KCND2: variants seen among roughly 807,000 people sequenced by gnomAD.
KCND2 encodes the protein A-type voltage-gated potassium channel KCND2.
Under a neutral mutation model 54.4 loss-of-function variants are expected in KCND2, and 16 were observed. The ratio of observed to expected loss-of-function variants is 0.29; its 90% CI spans 0.20 to 0.45. The LOEUF is 0.45. Among genes scored for constraint, KCND2 ranks in the 20% least tolerant of loss-of-function variants. The probability of loss-of-function intolerance (pLI) is 1.00; values close to 1 mark genes in which losing one functional copy is unlikely to be tolerated. For missense variants in KCND2, 486 were observed against 824.2 expected (o/e 0.59, Z 5.02); for synonymous variants, 317 against 310.7 (o/e 1.02, Z -0.21).
chr7:120,734,842 A>T (rs1212544063), intron 2 of KCND2, among the ~76,000 whole-genome samples: 1 of 152,152 alleles, frequency 6.6e-6, no homozygotes. Flanking sequence ...AGAGACTTTG[A>T]TATAGTTATT....
intron 1 of KCND2, among the ~76,000 whole-genome samples, chr7:120,480,000 T>G (rs949955224): frequency 6.7e-6 from 1 of 150,220 alleles, no homozygotes; most frequent in Non-Finnish European, 1.5e-5. Context: ...AGTATGAGCT[T>G]ATAGATTTAC....
chr7:120,358,339 A>C (rs1471001750), intron 1 of KCND2, among the ~76,000 whole-genome samples: 1 of 152,006 alleles, frequency 6.6e-6, no homozygotes, highest in East Asian at 1.9e-4. Context: ...AGTCTAACAG[A>C]GATTTAGGGG....
chr7:120,679,876 G>T (rs1031144245), intron 1 of KCND2, among the ~76,000 whole-genome samples: 13 of 151,970 alleles, frequency 8.6e-5, no homozygotes, highest in Non-Finnish European at 2.9e-5. Context: ...ATTTAAACAC[G>T]CATTGCTCTG....
At chr7:120,647,864 A>G (rs1793461595) in intron 1 of KCND2, among the ~76,000 whole-genome samples, 1 of 152,190 alleles carries the variant, frequency 6.6e-6, no homozygotes, top group Non-Finnish European at 1.5e-5. Context: ...GAATACACAG[A>G]TTTTATTCCC....
chr7:120,690,667 TAAC>T (rs1562910701), intron 1 of KCND2, among the ~76,000 whole-genome samples: 1 of 152,180 alleles, frequency 6.6e-6, no homozygotes, highest in African/African-American at 2.4e-5. Flanking sequence ...GAGTCACAAA[TAAC>T]AAGCTATATT....
intron 1 of KCND2, among the ~76,000 whole-genome samples, chr7:120,293,903 C>A: frequency 6.6e-6 from 1 of 151,820 alleles, no homozygotes; most frequent in South Asian, 2.1e-4. Flanking sequence ...AACTGTGAGT[C>A]TAGATGTAGA....
At chr7:120,663,792 G>C in intron 1 of KCND2, among the ~76,000 whole-genome samples, 1 of 152,128 alleles carries the variant, frequency 6.6e-6, no homozygotes, top group East Asian at 1.9e-4. Context: ...GTGAAAACAT[G>C]CACCACGATA....
At chr7:120,494,728 G>C (rs1286806061) in intron 1 of KCND2, among the ~76,000 whole-genome samples, 1 of 152,178 alleles carries the variant, frequency 6.6e-6, no homozygotes, top group Non-Finnish European at 1.5e-5. Context: ...ACAGAAATTT[G>C]TGTGCATGGC....
chr7:120,731,277 G>A lies in KCND2; in HGVS notation c.1116-1626G>A, dbSNP rs561593421. 1.4e-3 allele frequency among the ~76,000 whole-genome samples: 220 copies of A among 152,254 alleles called. 1 individual carries two copies. The highest frequency in any genetic ancestry group is 3.3e-3 in the South Asian group (16 of 4,816). On this transcript the variant is annotated intron_variant, in intron 1 of 5. Coordinates refer to ENST00000331113, the MANE Select transcript of KCND2 (RefSeq NM_012281.3). ...AGTGAAAAAATAAATCAATAAATAA[G>A]AAAATGTTACTTGTTAATAAGTACT...
intron 1 of KCND2, among the ~76,000 whole-genome samples, chr7:120,531,015 C>G (rs1276668396): frequency 2.0e-5 from 3 of 152,028 alleles, no homozygotes; most frequent in African/African-American, 7.2e-5. Context: ...AAATCCATTT[C>G]TCCTCTTACT....
At chr7:120,647,735 G>T (rs1453821420) in intron 1 of KCND2, among the ~76,000 whole-genome samples, 1 of 152,150 alleles carries the variant, frequency 6.6e-6, no homozygotes, top group Non-Finnish European at 1.5e-5. Context: ...TTTGCCGTAA[G>T]TTTTCATTAG....
intron 1 of KCND2, among the ~76,000 whole-genome samples, chr7:120,385,148 A>C (rs1800970184): frequency 6.6e-6 from 1 of 151,184 alleles, no homozygotes; most frequent in Non-Finnish European, 1.5e-5. Context: ...CTGGGACTAC[A>C]GGTGCATGCC....
intron 1 of KCND2, among the ~76,000 whole-genome samples, chr7:120,549,447 C>G (rs1323429647): frequency 6.6e-6 from 1 of 152,148 alleles, no homozygotes; most frequent in Non-Finnish European, 1.5e-5. Context: ...CATAATAACA[C>G]ATTCCTGCCC....
chr7:120,701,616 T>A (rs1240246890), intron 1 of KCND2, among the ~76,000 whole-genome samples: 1 of 151,992 alleles, frequency 6.6e-6, no homozygotes, highest in Non-Finnish European at 1.5e-5. Flanking sequence ...CACAGACCAA[T>A]GAAACAGAAT....
chr7:120,377,095 A>G (rs1189253023), intron 1 of KCND2, among the ~76,000 whole-genome samples: 2 of 151,926 alleles, frequency 1.3e-5, no homozygotes, highest in African/African-American at 2.4e-5. Context: ...TCAAATTCTG[A>G]CTCAGCTATG....
chr7:120,678,345 ATATATATATATATATATATATATAT>A (rs906175024), intron 1 of KCND2, among the ~76,000 whole-genome samples: 2 of 43,728 alleles, frequency 4.6e-5, no homozygotes, highest in African/African-American at 9.5e-5. Flanking sequence ...ATGATTATTT[ATATATATATATATATATATATATAT>A]ATACGCACAC....
rs191793054 is a variant in KCND2 at position 120,422,950 on chromosome 7, T to G, written c.1115+147203T>G. Among the ~76,000 whole-genome samples, 174 of 152,272 alleles carry G rather than the reference T, an allele frequency of 1.1e-3. 1 individual carries two copies. Among genetic ancestry groups the G allele is most frequent in the African/African-American group, 4.1e-3 (171 of 41,568 alleles). On this transcript the variant is annotated intron_variant, in intron 1 of 5. Transcript: ENST00000331113. ...ACACTTCAAGGCAGTCTGTCCCAGGTCTTATTCTGCATTGAGACCCTCTTC... is the reference window on the plus strand; with the variant it reads ...ACACTTCAAGGCAGTCTGTCCCAGGGCTTATTCTGCATTGAGACCCTCTTC...
intron 1 of KCND2, among the ~76,000 whole-genome samples, chr7:120,308,840 G>C (rs1453468489): frequency 2.0e-5 from 3 of 152,050 alleles, no homozygotes; most frequent in Non-Finnish European, 2.9e-5. Flanking sequence ...AGCAAATAAA[G>C]GATTCTTGTT....
At chr7:120,706,404 C>T (rs138565388) in intron 1 of KCND2, among the ~76,000 whole-genome samples, 6 of 152,236 alleles carry the variant, frequency 3.9e-5, no homozygotes, top group African/African-American at 1.4e-4. Context: ...ATCAAGGTGC[C>T]TGCAGATTTA....
Sources: gnomAD v4.1 joint callset for allele counts (sites outside exome capture counted in the v4.1 genomes callset) on GRCh38, gnomAD v4.1.1 for gene constraint, MANE v1.5 for transcripts, NCBI Gene and HGNC (gene_info 2026-07-23, HGNC 2026-07-21) for gene names.